The following EDIL3 variants were observed in gnomAD, a reference collection of about 807,000 sequenced individuals.
EDIL3 encodes the protein EGF like and discoidin domains 3.
A neutral mutation model predicts 67.4 loss-of-function variants in EDIL3; 37 were observed. The ratio of observed to expected loss-of-function variants is 0.55; its 90% CI spans 0.42 to 0.72. The LOEUF is 0.72. Ranked by LOEUF, EDIL3 falls within the 30% of genes least tolerant of loss-of-function variation. The pLI, the probability that EDIL3 is intolerant of heterozygous loss-of-function variation, is 0.00. For missense variants in EDIL3, 527 were observed against 586.3 expected (o/e 0.90, Z 1.04); for synonymous variants, 195 against 196.3 (o/e 0.99, Z 0.05).
intron 6 of EDIL3, among the ~76,000 whole-genome samples, chr5:84,091,730 C>G (rs1014773948): frequency 1.3e-4 from 20 of 152,210 alleles, no homozygotes; most frequent in African/African-American, 4.8e-4. Context: ...TGCTCACTTA[C>G]TTCTGCTTCT....
chr5:84,251,567 A>G (rs1745026506), intron 2 of EDIL3, among the ~76,000 whole-genome samples: 1 of 152,202 alleles, frequency 6.6e-6, no homozygotes. Context: ...TGCAATCAAT[A>G]TTTAGTACAC....
chr5:84,066,378 A>G, intron 7 of EDIL3, 73 bp downstream of exon 7: 1 of 1,465,164 alleles, frequency 6.8e-7, no homozygotes, highest in Non-Finnish European at 9.1e-7. Context: ...TCTCCTGAAG[A>G]CCTTGTCATT....
intron 6 of EDIL3, among the ~76,000 whole-genome samples, chr5:84,079,164 G>T (rs1053992963): frequency 1.3e-5 from 2 of 152,130 alleles, no homozygotes; most frequent in Non-Finnish European, 1.5e-5. Flanking sequence ...GGGCAAGGAA[G>T]TTCCTCTTCT....
At chr5:84,065,538 TAG>T (rs1226613085) in intron 7 of EDIL3, among the ~76,000 whole-genome samples, 1 of 135,680 alleles carries the variant, frequency 7.4e-6, no homozygotes, top group Non-Finnish European at 1.5e-5. Flanking sequence ...TATAATTTAT[TAG>T]AGTCTGGTAT....
At position 84,180,532 on chromosome 5, in the gene EDIL3, GA is replaced by G. The variant is rs996021192; in HGVS notation, c.227-12del. 9.0e-6 allele frequency: 14 copies of G among 1,552,370 alleles called. No individual in the cohort carries two copies. Among genetic ancestry groups the G allele is most frequent in the Middle Eastern group, 1.7e-4 (1 of 5,806 alleles). On this transcript the variant is annotated splice_polypyrimidine_tract_variant and intron_variant, in intron 3 of 10. Coordinates refer to ENST00000296591, the MANE Select transcript of EDIL3 (RefSeq NM_005711.5). ...TAGGAGTGCAGGGACCTGAAAGACA[GA>G]AAAAAATATTTCTGCTTGATGCATA...
chr5:83,955,639 T>C (rs963894237), intron 10 of EDIL3, among the ~76,000 whole-genome samples: 2 of 151,744 alleles, frequency 1.3e-5, no homozygotes, highest in Non-Finnish European at 2.9e-5. Flanking sequence ...TACTAGGTGG[T>C]TATCTGTCAT....
intron 1 of EDIL3, among the ~76,000 whole-genome samples, chr5:84,275,078 C>T (rs544863899): frequency 6.6e-6 from 1 of 152,216 alleles, no homozygotes; most frequent in South Asian, 2.1e-4. Flanking sequence ...GTCACACAGC[C>T]AGGTGGCGGC....
chr5:84,236,684 A>C (rs1461643142), intron 2 of EDIL3, among the ~76,000 whole-genome samples: 1 of 152,132 alleles, frequency 6.6e-6, no homozygotes, highest in Non-Finnish European at 1.5e-5. Flanking sequence ...TTAATTTTGC[A>C]CAGTGTATAT....
intron 4 of EDIL3, among the ~76,000 whole-genome samples, chr5:84,178,671 G>C (rs928018294): frequency 3.3e-5 from 5 of 152,074 alleles, no homozygotes; most frequent in Admixed American, 2.6e-4. Context: ...ACTGACTCAG[G>C]GTCACTTATT....
chr5:84,134,532 C>G (rs1748054085), intron 5 of EDIL3, among the ~76,000 whole-genome samples: 1 of 152,098 alleles, frequency 6.6e-6, no homozygotes. Flanking sequence ...CCACCTGTAA[C>G]CTGTAGGTGC....
chr5:84,064,897 T>G (rs1746608705), intron 7 of EDIL3, 53 bp from the exon 8 acceptor site: 1 of 1,562,380 alleles, frequency 6.4e-7, no homozygotes, highest in South Asian at 1.2e-5. Context: ...TTACCTATTT[T>G]TACATATTTA....
intron 9 of EDIL3, among the ~76,000 whole-genome samples, chr5:84,034,683 C>T (rs1357943959): frequency 2.0e-5 from 3 of 152,144 alleles, no homozygotes; most frequent in Admixed American, 6.5e-5. Context: ...TTCAGTTCTA[C>T]AATAATCCCT....
At position 84,060,340 on chromosome 5, in the gene EDIL3, G is replaced by T; in HGVS notation, c.1097C>A (p.Ala366Asp). Residue 366 changes from alanine (A) to aspartate (D), a missense_variant, in exon 9 of 11, where the codon GCC (alanine) becomes GAC (aspartate). Physicochemically the swap from Ala to Asp is moderately radical, Grantham distance 126. This residue lies in a region of EDIL3 where 494 missense variants were observed against 522.5 expected (regional missense o/e 0.95). Transcript: ENST00000296591. Reference sequence around the variant, plus strand: ...CTGGTCATTGTGGCCAGAGGTCCAGGCATTCACTTTGCCTTGCTTGTCCAG... The same window carrying T: ...CTGGTCATTGTGGCCAGAGGTCCAGTCATTCACTTTGCCTTGCTTGTCCAG... ...ARLDKQGKVN[A>D]WTSGHNDQSQ... 1 of 1,613,826 alleles carries T rather than the reference G, an allele frequency of 6.2e-7. No individual in the cohort carries two copies. The highest frequency in any genetic ancestry group is 8.5e-7 in the Non-Finnish European group (1 of 1,179,820).
intron 2 of EDIL3, among the ~76,000 whole-genome samples, chr5:84,247,252 A>G (rs1022765965): frequency 6.6e-6 from 1 of 152,158 alleles, no homozygotes; most frequent in African/African-American, 2.4e-5. Flanking sequence ...TTCATCTACT[A>G]TCTGAAAAAT....
chr5:84,254,198 G>A lies in EDIL3; in HGVS notation c.82C>T (p.Pro28Ser). The part of the protein sequence containing the change: ...PQFGKGDICD[P>S]NPCENGGICL... ...ATACCTCCATTTTCACATGGATTGG[G>A]ATCACAAATATCACCTAAGGCATAA... The change falls in exon 2 of 11, where the codon CCC becomes TCC. Residue 28 changes from proline (P) to serine (S), a missense_variant. Transcript: ENST00000296591. 6.2e-7 allele frequency: 1 copy of A among 1,610,678 alleles called. No homozygotes were observed. The highest frequency in any genetic ancestry group is 8.5e-7 in the Non-Finnish European group (1 of 1,178,482).
At chr5:84,214,131 A>C (rs1488631581) in intron 3 of EDIL3, among the ~76,000 whole-genome samples, 2 of 152,208 alleles carry the variant, frequency 1.3e-5, no homozygotes, top group Non-Finnish European at 2.9e-5. Context: ...ACCAGTTATT[A>C]CTAACAATGG....
intron 1 of EDIL3, among the ~76,000 whole-genome samples, chr5:84,274,498 T>C (rs1476771446): frequency 6.6e-6 from 1 of 152,218 alleles, no homozygotes; most frequent in Non-Finnish European, 1.5e-5. Context: ...AATATTGAGA[T>C]GATTTTAAGT....
At chr5:84,279,894 T>A (rs1400583627) in intron 1 of EDIL3, among the ~76,000 whole-genome samples, 1 of 152,212 alleles carries the variant, frequency 6.6e-6, no homozygotes, top group African/African-American at 2.4e-5. Context: ...AATGGACTGA[T>A]ACACCCAGTA....
chr5:84,348,670 A>T (rs1372092057), intron 1 of EDIL3, among the ~76,000 whole-genome samples: 1 of 152,006 alleles, frequency 6.6e-6, no homozygotes. Context: ...AAAGAAGCAT[A>T]CACTGAAACA....
Sources: allele counts gnomAD v4.1 joint callset (sites outside exome capture counted in the v4.1 genomes callset), GRCh38; gene constraint gnomAD v4.1.1; regional missense constraint gnomAD v4.1.1; transcripts MANE v1.5; gene names NCBI Gene and HGNC (gene_info 2026-07-23, HGNC 2026-07-21).